PRDM5: variants seen among roughly 807,000 people sequenced by gnomAD.
PRDM5 encodes the protein PR domain zinc finger protein 5.
In PRDM5, 56 loss-of-function variants were observed where a neutral mutation model predicts 81.2. The observed-to-expected ratio is 0.69, with a 90% confidence interval of 0.56 to 0.86. PRDM5 has a LOEUF of 0.86. Ranked by LOEUF, PRDM5 falls within the 40% of genes least tolerant of loss-of-function variation. The probability of loss-of-function intolerance (pLI) is 0.00; values close to 1 mark genes in which losing one functional copy is unlikely to be tolerated. For missense variants in PRDM5, 697 were observed against 770.1 expected (o/e 0.91, Z 1.12); for synonymous variants, 267 against 256.4 (o/e 1.04, Z -0.39).
intron 5 of PRDM5, among the ~76,000 whole-genome samples, chr4:120,817,613 A>G (rs1489407812): frequency 3.3e-5 from 5 of 152,326 alleles, no homozygotes; most frequent in East Asian, 1.9e-4. Context: ...TGCATCCAAT[A>G]TGTAAATATG....
chr4:120,902,999 G>A (rs1276680070), intron 2 of PRDM5, among the ~76,000 whole-genome samples: 1 of 152,088 alleles, frequency 6.6e-6, no homozygotes, highest in East Asian at 1.9e-4. Flanking sequence ...GGCTCCCCAG[G>A]GGCTCTTGGC....
chr4:120,890,412 G>A (rs1343806615), intron 2 of PRDM5, among the ~76,000 whole-genome samples: 1 of 152,150 alleles, frequency 6.6e-6, no homozygotes, highest in Non-Finnish European at 1.5e-5. Flanking sequence ...CTCCAATTGG[G>A]AAATCACAAA....
At chr4:120,765,025 T>C (rs1365863436) in intron 13 of PRDM5, among the ~76,000 whole-genome samples, 1 of 152,128 alleles carries the variant, frequency 6.6e-6, no homozygotes, top group Non-Finnish European at 1.5e-5. Context: ...TTATTATTGC[T>C]CTATAATTAC....
chr4:120,767,491 A>G (rs1746550601), intron 13 of PRDM5, among the ~76,000 whole-genome samples: 1 of 152,210 alleles, frequency 6.6e-6, no homozygotes, highest in Non-Finnish European at 1.5e-5. Context: ...TTTGAATACT[A>G]TAAAAACAAA....
chr4:120,687,029 T>A (rs866096942), downstream of PRDM5, among the ~76,000 whole-genome samples: 1 of 151,974 alleles, frequency 6.6e-6, no homozygotes, highest in African/African-American at 2.4e-5. Context: ...ACTCTACATA[T>A]AACATATATG....
chr4:120,849,986 C>T (rs1484931839), intron 3 of PRDM5, among the ~76,000 whole-genome samples: 1 of 151,870 alleles, frequency 6.6e-6, no homozygotes, highest in Non-Finnish European at 1.5e-5. Context: ...TTACTAGATC[C>T]GTCTTTGATA....
At chr4:120,743,037 G>A (rs1391708280) in intron 14 of PRDM5, among the ~76,000 whole-genome samples, 8 of 151,572 alleles carry the variant, frequency 5.3e-5, no homozygotes, top group Non-Finnish European at 7.4e-5. Flanking sequence ...GAGAAAGGTC[G>A]GGTTACCTTC....
intron 3 of PRDM5, among the ~76,000 whole-genome samples, chr4:120,827,083 A>C (rs1273853290): frequency 1.3e-5 from 2 of 152,176 alleles, no homozygotes; most frequent in Non-Finnish European, 1.5e-5. Context: ...CCCCAACCAA[A>C]AAAATTATTT....
At chr4:120,903,505 C>A (rs912398881) in intron 2 of PRDM5, among the ~76,000 whole-genome samples, 1 of 152,194 alleles carries the variant, frequency 6.6e-6, no homozygotes, top group Non-Finnish European at 1.5e-5. Flanking sequence ...AATAACTCTG[C>A]AATTCTAAAA....
chr4:120,712,673 C>T (rs1387138375), intron 14 of PRDM5, among the ~76,000 whole-genome samples: 1 of 152,132 alleles, frequency 6.6e-6, no homozygotes, highest in Non-Finnish European at 1.5e-5. Context: ...ACTATCATTC[C>T]GTATCCACTT....
At chr4:120,781,087 T>C in intron 12 of PRDM5, 56 bp downstream of exon 12, 5 of 1,442,610 alleles carry the variant, frequency 3.5e-6, no homozygotes, top group Non-Finnish European at 4.9e-6. Context: ...TTAACATATA[T>C]ACCCATACTG....
At chr4:120,768,146 T>A (rs1746663020) in intron 13 of PRDM5, among the ~76,000 whole-genome samples, 1 of 152,220 alleles carries the variant, frequency 6.6e-6, no homozygotes, top group Admixed American at 6.5e-5. Context: ...TTCACAGTAC[T>A]AAAATGATAT....
chr4:120,824,984 T>C (rs183069841), intron 3 of PRDM5, among the ~76,000 whole-genome samples: 107 of 152,310 alleles, frequency 7.0e-4, no homozygotes, highest in Non-Finnish European at 1.3e-3. Context: ...TATTTATTAC[T>C]TTTGTAGTAA....
chr4:120,780,945 A>G (rs747590166), intron 12 of PRDM5, among the ~76,000 whole-genome samples, 198 bp downstream of exon 12: 14 of 152,140 alleles, frequency 9.2e-5, no homozygotes, highest in Non-Finnish European at 1.8e-4. Flanking sequence ...TCAGGTTCTC[A>G]TTCATGGAAA....
intron 5 of PRDM5, 95 bp downstream of exon 5, chr4:120,818,258 A>G: frequency 1.2e-5 from 11 of 882,288 alleles, no homozygotes; most frequent in Non-Finnish European, 1.8e-5. Context: ...GCGCGCGTGC[A>G]CACACACACA....
rs74630753 is a variant in PRDM5 at position 120,872,890 on chromosome 4, G to T, written c.178-19350C>A. Among the ~76,000 whole-genome samples, 107 of 152,284 alleles carry T rather than the reference G, an allele frequency of 7.0e-4. No homozygotes were observed. In the East Asian group the frequency reaches 0.02, roughly 28 times the overall value. ...CCGATCTGCAAGATAGAAAAGTTCT[G>T]GAGATCTGCTTGATAACAATGTAAA... On this transcript the variant is annotated intron_variant, in intron 2 of 15. Transcript: ENST00000264808.
intron 13 of PRDM5, among the ~76,000 whole-genome samples, chr4:120,774,984 ATAT>A (rs931969346): frequency 2.7e-5 from 4 of 149,454 alleles, no homozygotes; most frequent in African/African-American, 9.8e-5. Context: ...GTGTATATGT[ATAT>A]GTGTATATAT....
At chr4:120,720,792 T>C (rs1347096823) in intron 14 of PRDM5, among the ~76,000 whole-genome samples, 1 of 152,144 alleles carries the variant, frequency 6.6e-6, no homozygotes, top group Non-Finnish European at 1.5e-5. Flanking sequence ...AAATTATAAC[T>C]CTTAGGAAGC....
chr4:120,805,137 C>A (rs953319694), intron 8 of PRDM5, among the ~76,000 whole-genome samples: 1 of 152,136 alleles, frequency 6.6e-6, no homozygotes, highest in Non-Finnish European at 1.5e-5. Flanking sequence ...TACACCCTCC[C>A]AAGACTAAAG....
Sources: gnomAD v4.1 joint callset for allele counts (sites outside exome capture counted in the v4.1 genomes callset) on GRCh38, gnomAD v4.1.1 for gene constraint, MANE v1.5 for transcripts, NCBI Gene and HGNC (gene_info 2026-07-23, HGNC 2026-07-21) for gene names.